The following JAM3 variants were observed in gnomAD, a reference collection of about 807,000 sequenced individuals.
The protein encoded by JAM3 is junctional adhesion molecule C.
Under a neutral mutation model 39.4 loss-of-function variants are expected in JAM3, and 31 were observed. The ratio of observed to expected loss-of-function variants is 0.79; its 90% CI spans 0.59 to 1.06. The LOEUF (loss-of-function observed/expected upper bound fraction) is 1.06, where lower values mean the gene tolerates loss of function less well. Ranked by LOEUF, JAM3 falls within the 50% of genes least tolerant of loss-of-function variation. The probability of loss-of-function intolerance (pLI) is 0.00; values close to 1 mark genes in which losing one functional copy is unlikely to be tolerated. For synonymous variants in JAM3, 182 were observed against 148.7 expected (o/e 1.22, Z -1.63); for missense variants, 455 against 391.4 (o/e 1.16, Z -1.37).
At chr11:134,148,116 C>T (rs1943112508) in intron 6 of JAM3, 1 of 238,220 alleles carries the variant, frequency 4.2e-6, no homozygotes, top group Non-Finnish European at 8.2e-6. Flanking sequence ...TTCTTTAAGG[C>T]TTGAAGCTAC....
chr11:134,148,713 C>T (rs1943126187), intron 7 of JAM3, 37 bp downstream of exon 7: 8 of 1,613,990 alleles, frequency 5.0e-6, no homozygotes, highest in East Asian at 2.2e-5. Flanking sequence ...GAAGTTCAAG[C>T]TGGCAATAAT....
chr11:134,115,391 C>T (rs1454769499), intron 1 of JAM3, among the ~76,000 whole-genome samples: 2 of 151,428 alleles, frequency 1.3e-5, no homozygotes, highest in African/African-American at 2.4e-5. Context: ...AGTCTTTTCT[C>T]TTGCATTTGT....
intron 2 of JAM3, among the ~76,000 whole-genome samples, chr11:134,140,183 C>T (rs1198351364): frequency 2.6e-5 from 4 of 152,144 alleles, no homozygotes; most frequent in African/African-American, 7.2e-5. Context: ...GATGGAGTCT[C>T]GCTCCTGTTG....
At position 134,149,163 on chromosome 11, in the gene JAM3, G is replaced by A. The variant is rs767591406; in HGVS notation, c.915G>A (p.Lys305=). Reference sequence around the variant, plus strand: ...CTTTGCAGGGCGACTTCAGACACAAGTCATCGTTTGTGATCTGAGACCCGC... The same window carrying A: ...CTTTGCAGGGCGACTTCAGACACAAATCATCGTTTGTGATCTGAGACCCGC... ...RTDEEGDFRH[K]SSFVI The change falls in exon 9 of 9, where the codon AAG becomes AAA. Residue 305 remains lysine, a synonymous_variant. Coordinates refer to ENST00000299106, the MANE Select transcript of JAM3 (RefSeq NM_032801.5). 6.2e-7 allele frequency: 1 copy of A among 1,614,018 alleles called. No homozygotes were observed. Among genetic ancestry groups the A allele is most frequent in the Admixed American group, 1.7e-5 (1 of 60,028 alleles).
intron 6 of JAM3, chr11:134,148,286 C>T: frequency 3.8e-6 from 2 of 522,224 alleles, no homozygotes; most frequent in South Asian, 2.1e-5. Flanking sequence ...AGTGCCAAGC[C>T]CACTTTAATA....
chr11:134,069,405 T>TG (rs894948393), intron 1 of JAM3, among the ~76,000 whole-genome samples: 1 of 151,768 alleles, frequency 6.6e-6, no homozygotes, highest in Non-Finnish European at 1.5e-5. Flanking sequence ...TAATTTGGGA[T>TG]GGGGGGCCCG....
intron 1 of JAM3, among the ~76,000 whole-genome samples, chr11:134,116,249 G>A (rs1942430914): frequency 6.6e-6 from 1 of 152,132 alleles, no homozygotes; most frequent in South Asian, 2.1e-4. Context: ...TTCTGATAAA[G>A]TTTTTTCATG....
chr11:134,082,737 A>G (rs550305113), intron 1 of JAM3, among the ~76,000 whole-genome samples: 1 of 152,278 alleles, frequency 6.6e-6, no homozygotes, highest in South Asian at 2.1e-4. Flanking sequence ...GCAGCACGAA[A>G]ATGGACTAAT....
At chr11:134,134,894 A>G (rs966930791) in intron 1 of JAM3, among the ~76,000 whole-genome samples, 1 of 152,006 alleles carries the variant, frequency 6.6e-6, no homozygotes, top group African/African-American at 2.4e-5. Context: ...TATATTGTGG[A>G]TGTTAATCCC....
intron 1 of JAM3, among the ~76,000 whole-genome samples, chr11:134,079,721 T>C (rs1169610789): frequency 6.6e-6 from 1 of 152,250 alleles, no homozygotes; most frequent in African/African-American, 2.4e-5. Context: ...TTTCTTATTA[T>C]ATAACCCACC....
intron 1 of JAM3, among the ~76,000 whole-genome samples, chr11:134,112,135 G>A (rs1394225348): frequency 6.6e-6 from 1 of 152,192 alleles, no homozygotes; most frequent in African/African-American, 2.4e-5. Flanking sequence ...TGCCCAGTAT[G>A]GAGTGTGGTT....
intron 6 of JAM3, chr11:134,147,953 T>C (rs1226239682): frequency 6.4e-6 from 1 of 155,118 alleles, no homozygotes; most frequent in Non-Finnish European, 1.4e-5. Context: ...CATATGAAAG[T>C]GACCCAGTGC....
intron 1 of JAM3, among the ~76,000 whole-genome samples, chr11:134,138,574 T>A (rs1942915721): frequency 6.6e-6 from 1 of 152,230 alleles, no homozygotes; most frequent in Non-Finnish European, 1.5e-5. Flanking sequence ...TATCATTCTT[T>A]ACTAGTGCAT....
At chr11:134,115,518 T>C (rs1942410994) in intron 1 of JAM3, among the ~76,000 whole-genome samples, 1 of 152,186 alleles carries the variant, frequency 6.6e-6, no homozygotes, top group Admixed American at 6.5e-5. Context: ...GACCTTGATA[T>C]ATTTAAAGAG....
At position 134,094,133 on chromosome 11, in the gene JAM3, C is replaced by T. The variant is rs545617233; in HGVS notation, c.76+24974C>T. Among the ~76,000 whole-genome samples the T allele has an allele frequency of 8.2e-5, 12 of 146,392 alleles. No individual in the cohort carries two copies. The South Asian group carries it at 2.8e-3, about 34-fold the overall frequency. On this transcript the variant is annotated intron_variant, in intron 1 of 8. Coordinates refer to ENST00000299106, the MANE Select transcript of JAM3 (RefSeq NM_032801.5). Reference sequence around the variant, plus strand: ...CTTCTCCTGAACCCTCCTTATTCATCATGTTCCACCTTACATGTCACTTCC... The same window carrying T: ...CTTCTCCTGAACCCTCCTTATTCATTATGTTCCACCTTACATGTCACTTCC...
At chr11:134,120,855 G>A in intron 1 of JAM3, among the ~76,000 whole-genome samples, 1 of 152,168 alleles carries the variant, frequency 6.6e-6, no homozygotes, top group East Asian at 1.9e-4. Context: ...CTCAATATCT[G>A]TTATGGCTTA....
intron 1 of JAM3, among the ~76,000 whole-genome samples, chr11:134,136,876 G>A (rs1469541933): frequency 6.6e-6 from 1 of 152,198 alleles, no homozygotes; most frequent in African/African-American, 2.4e-5. Context: ...CACTTTGGGA[G>A]GCCGAGGCGG....
chr11:134,089,079 G>T (rs1310250706), intron 1 of JAM3, among the ~76,000 whole-genome samples: 1 of 152,218 alleles, frequency 6.6e-6, no homozygotes, highest in Non-Finnish European at 1.5e-5. Flanking sequence ...TTCCATGCTA[G>T]TGAAGAGCAC....
intron 1 of JAM3, among the ~76,000 whole-genome samples, chr11:134,096,706 T>C (rs1445627056): frequency 3.3e-5 from 5 of 152,182 alleles, no homozygotes; most frequent in African/African-American, 1.2e-4. Flanking sequence ...CGTTTCCAGC[T>C]ATGGTTTGCT....
Sources: gnomAD v4.1 joint callset for allele counts (sites outside exome capture counted in the v4.1 genomes callset) on GRCh38, gnomAD v4.1.1 for gene constraint, MANE v1.5 for transcripts, NCBI Gene and HGNC (gene_info 2026-07-23, HGNC 2026-07-21) for gene names.